Variants in NTRK2 observed in about 807,000 individuals in gnomAD.
NTRK2 encodes neurotrophic receptor tyrosine kinase 2.
In NTRK2, 13 loss-of-function variants were observed where a neutral mutation model predicts 94.5. That is an observed-to-expected ratio of 0.14 (90% confidence interval 0.09 to 0.22). NTRK2 has a LOEUF of 0.22. Among genes scored for constraint, NTRK2 ranks in the 10% least tolerant of loss-of-function variants. The pLI is 1.00. For missense variants in NTRK2, 639 were observed against 1,071.2 expected (o/e 0.60, Z 5.63); for synonymous variants, 372 against 407.4 (o/e 0.91, Z 1.05).
intron 4 of NTRK2, among the ~76,000 whole-genome samples, chr9:84,706,514 A>ATTTTTTTTTTTTTTTTTTTTTTTT (rs1251771059): frequency 1.5e-5 from 1 of 68,582 alleles, no homozygotes; most frequent in Non-Finnish European, 3.0e-5. Context: ...CATGTGTGTT[A>ATTTTTTTTTTTTTTTTTTTTTTTT]TTTTTTGTTT....
rs1197971147 is a variant in NTRK2 at position 84,706,521 on chromosome 9, GTTTTTGTTTT to G, written c.360-1317_360-1308del. 6.4e-4 allele frequency among the ~76,000 whole-genome samples: 61 copies of G among 95,380 alleles called. 2 individuals carry two copies. Among genetic ancestry groups the G allele is most frequent in the African/African-American group, 2.3e-3 (55 of 24,016 alleles). The allele number at this position is 95,380 out of a possible 152,430, so 62.6% of individuals were successfully genotyped here. A position where few individuals can be genotyped will look rare whatever the true frequency, so the allele number is the denominator to read the frequency against. ...TCAGATCTCATGTGTGTTATTTTTTGTTTTTGTTTTTTTTTTTTTTTTTTTTGAGACGGAG... is the reference window on the plus strand; with the variant it reads ...TCAGATCTCATGTGTGTTATTTTTTGTTTTTTTTTTTTTTTTGAGACGGAG... On this transcript the variant is annotated intron_variant, in intron 4 of 18. Coordinates refer to ENST00000277120, the MANE Select transcript of NTRK2 (RefSeq NM_006180.6).
In NTRK2 at chr9:84,710,622, T is replaced by A. The variant is rs777422850; in HGVS notation, c.429-15T>A. On this transcript the variant is annotated splice_polypyrimidine_tract_variant and intron_variant, in intron 5 of 18. Transcript: ENST00000277120. ...AAAAAGGAACTTGATCTGTTGTCAT[T>A]TTTGTTCCCTGTAGGATCCTGGTGG... is the stretch of plus-strand genomic sequence containing the variant. 3 of 1,614,010 alleles carry A rather than the reference T, an allele frequency of 1.9e-6. No individual in the cohort carries two copies. The South Asian group carries it at 3.3e-5, about 18-fold the overall frequency.
Position 84,684,785 on chromosome 9 carries a change from T to C in NTRK2, c.212+13825T>C, listed in dbSNP as rs186300328. On this transcript the variant is annotated intron_variant, in intron 2 of 18. Coordinates refer to ENST00000277120, the MANE Select transcript of NTRK2 (RefSeq NM_006180.6). ...AGTCTTTTCGTATGTTTGTAAGTCA[T>C]TGGTATTTTTTTTCCGTGAACTTAG... is the stretch of plus-strand genomic sequence containing the variant. 1.5e-3 allele frequency among the ~76,000 whole-genome samples: 223 copies of C among 152,364 alleles called. 1 individual carries two copies. The highest frequency in any genetic ancestry group is 2.5e-3 in the Admixed American group (38 of 15,298).
intron 14 of NTRK2, among the ~76,000 whole-genome samples, chr9:84,926,169 C>CCTTCCTTGCTTTCTTTCTTT (rs2077790007): frequency 2.6e-5 from 1 of 38,514 alleles, no homozygotes; most frequent in African/African-American, 9.2e-5. Context: ...TTCCTTCCTT[C>CCTTCCTTGCTTTCTTTCTTT]CTTTCTTTCT....
At position 84,670,872 on chromosome 9, in the gene NTRK2, C is replaced by A. The variant is rs1420992400; in HGVS notation, c.124C>A (p.Arg42=). 1.2e-6 allele frequency: 2 copies of A among 1,613,636 alleles called. No homozygotes were observed. Among genetic ancestry groups the A allele is most frequent in the Non-Finnish European group, 1.7e-6 (2 of 1,180,046 alleles). The change falls in exon 2 of 19, where the codon CGG becomes AGG. Residue 42 remains arginine, a synonymous_variant. Transcript: ENST00000277120. ...CACGTCCTGCAAATGCAGTGCCTCTCGGATCTGGTGCAGCGACCCTTCTCC... is the reference window on the plus strand; with the variant it reads ...CACGTCCTGCAAATGCAGTGCCTCTAGGATCTGGTGCAGCGACCCTTCTCC... ...CPTSCKCSAS[R]IWCSDPSPGI...
At chr9:84,906,152 T>TA (rs1217683435) in intron 14 of NTRK2, among the ~76,000 whole-genome samples, 1 of 151,668 alleles carries the variant, frequency 6.6e-6, no homozygotes, top group Non-Finnish European at 1.5e-5. Context: ...CTTGAGAAAA[T>TA]GTATAGCTGT....
chr9:84,676,882 A>G (rs2059091341), intron 2 of NTRK2, among the ~76,000 whole-genome samples: 1 of 152,182 alleles, frequency 6.6e-6, no homozygotes, highest in African/African-American at 2.4e-5. Flanking sequence ...TGAAAAGTGC[A>G]TGAGCTACTG....
intron 12 of NTRK2, among the ~76,000 whole-genome samples, chr9:84,800,365 G>C (rs911792907): frequency 2.6e-5 from 4 of 152,118 alleles, no homozygotes; most frequent in Admixed American, 2.6e-4. Context: ...CATCACACCA[G>C]CTAATTTTGT....
chr9:84,853,830 C>A (rs1282820334), intron 12 of NTRK2, among the ~76,000 whole-genome samples: 3 of 152,142 alleles, frequency 2.0e-5, no homozygotes, highest in African/African-American at 4.8e-5. Flanking sequence ...GCCTATAATT[C>A]CAGCACTTTG....
chr9:84,789,478 C>G lies in NTRK2; in HGVS notation c.1396+37393C>G, dbSNP rs555992560. On this transcript the variant is annotated intron_variant, in intron 12 of 18. Transcript: ENST00000277120. The stretch of plus-strand genomic sequence containing the variant: ...CCTACCTGTCCACCAGCGGAAAACA[C>G]CGAGGCTCAAGGTTTGGTTAGCAAA... Among the ~76,000 whole-genome samples, 4 of 152,280 alleles carry G rather than the reference C, an allele frequency of 2.6e-5. No individual in the cohort carries two copies. In the South Asian group the frequency reaches 8.3e-4, roughly 32 times the overall value.
chr9:84,829,608 G>C (rs1027893168), intron 12 of NTRK2, among the ~76,000 whole-genome samples: 7 of 152,110 alleles, frequency 4.6e-5, no homozygotes, highest in East Asian at 1.9e-4. Context: ...GCGATGTTCC[G>C]CCTGTTTGCA....
intron 12 of NTRK2, among the ~76,000 whole-genome samples, chr9:84,781,451 A>G (rs1224161760): frequency 6.6e-6 from 1 of 152,190 alleles, no homozygotes; most frequent in Non-Finnish European, 1.5e-5. Flanking sequence ...ATAACTTTTC[A>G]TATATACAAA....
intron 12 of NTRK2, among the ~76,000 whole-genome samples, chr9:84,849,833 A>G (rs1297781792): frequency 6.6e-6 from 1 of 152,274 alleles, no homozygotes; most frequent in East Asian, 1.9e-4. Context: ...TGGGCATTTT[A>G]TGTCCTATTT....
chr9:84,709,959 CTCTGTGTGTGTGTGTG>C (rs951927816), intron 5 of NTRK2, among the ~76,000 whole-genome samples: 10 of 116,496 alleles, frequency 8.6e-5, no homozygotes, highest in African/African-American at 1.8e-4. Context: ...GAATAGCTTG[CTCTGTGTGTGTGTGTG>C]TGTGTGTGTG....
rs2131831534 is a variant in NTRK2 at position 84,710,713 on chromosome 9, C to A, written c.505C>A (p.Pro169Thr). The A allele has an allele frequency of 1.2e-6, 2 of 1,613,982 alleles. No homozygotes were observed. The highest frequency in any genetic ancestry group is 1.7e-6 in the Non-Finnish European group (2 of 1,179,890). The change falls in exon 6 of 19, where the codon CCA becomes ACA. Residue 169 changes from proline to threonine, a missense_variant. Physicochemically the swap from Pro to Thr is conservative, Grantham distance 38 (BLOSUM62 -1). This residue lies in a region of NTRK2 where 206 missense variants were observed against 251.5 expected (regional missense o/e 0.82). Coordinates refer to ENST00000277120, the MANE Select transcript of NTRK2 (RefSeq NM_006180.6). ...IKTLQEAKSS[P>T]DTQDLYCLNE... ...GACTCTCCAAGAGGCTAAATCCAGTCCAGACACTCAGGATTTGTACTGCCT... is the reference window on the plus strand; with the variant it reads ...GACTCTCCAAGAGGCTAAATCCAGTACAGACACTCAGGATTTGTACTGCCT...
At chr9:84,722,008 G>T (rs1299806539) in intron 6 of NTRK2, among the ~76,000 whole-genome samples, 2 of 152,138 alleles carry the variant, frequency 1.3e-5, no homozygotes, top group African/African-American at 4.8e-5. Context: ...AATTGTCATA[G>T]AAGTTGTGAA....
At position 84,853,708 on chromosome 9, in the gene NTRK2, C is replaced by G. The variant is rs193207156; in HGVS notation, c.1397-7332C>G. On this transcript the variant is annotated intron_variant, in intron 12 of 18. Transcript: ENST00000277120. ...GTAGCAAATGCTGTTGGCGTCACCC[C>G]CTGCCCGTGTCCTCTCAGCTCTCAC... Among the ~76,000 whole-genome samples, 8 of 152,272 alleles carry G rather than the reference C, an allele frequency of 5.3e-5. No individual in the cohort carries two copies. In the East Asian group the frequency reaches 5.8e-4, roughly 11 times the overall value.
chr9:84,886,030 GA>G (rs942528645), intron 14 of NTRK2, among the ~76,000 whole-genome samples: 52 of 142,174 alleles, frequency 3.7e-4, no homozygotes, highest in East Asian at 8.1e-4. Context: ...GACTTCGTCT[GA>G]AAAAAAAAAA....
At chr9:85,000,341 T>C (rs538175208) in intron 17 of NTRK2, among the ~76,000 whole-genome samples, 1 of 152,298 alleles carries the variant, frequency 6.6e-6, no homozygotes, top group South Asian at 2.1e-4. Context: ...TCCAGCATTG[T>C]AGTATTACAC....
Sources: gnomAD v4.1 joint callset for allele counts (sites outside exome capture counted in the v4.1 genomes callset) on GRCh38, gnomAD v4.1.1 for gene constraint, gnomAD v4.1.1 regional missense constraint, MANE v1.5 for transcripts, NCBI Gene and HGNC (gene_info 2026-07-23, HGNC 2026-07-21) for gene names.